KCND2: variants seen among roughly 807,000 people sequenced by gnomAD.
KCND2 encodes the protein potassium voltage-gated channel subfamily D member 2.
Under a neutral mutation model 54.4 loss-of-function variants are expected in KCND2, and 16 were observed. The ratio of observed to expected loss-of-function variants is 0.29; its 90% confidence interval spans 0.20 to 0.45. The LOEUF (loss-of-function observed/expected upper bound fraction) is 0.45. Ranked by LOEUF, KCND2 falls within the 20% of genes least tolerant of loss-of-function variation. The probability of loss-of-function intolerance (pLI) is 1.00; values close to 1 mark genes in which losing one functional copy is unlikely to be tolerated. For missense variants in KCND2, 486 were observed against 824.2 expected, an observed-to-expected ratio of 0.59 and a Z score of 5.02; for synonymous variants, 317 against 310.7, an observed-to-expected ratio of 1.02 and a Z score of -0.21.
intron 1 of KCND2, among the ~76,000 whole-genome samples, chr7:120,570,882 A>G (rs75543257): frequency 0.014 from 2,168 of 152,340 alleles, 56 homozygotes; most frequent in African/African-American, 0.05. Flanking sequence ...CCAAAGCGGT[A>G]TAAACAGTTG....
intron 1 of KCND2, among the ~76,000 whole-genome samples, chr7:120,586,089 G>C (rs958939713): frequency 6.6e-6 from 1 of 151,880 alleles, no homozygotes; most frequent in East Asian, 1.9e-4. Context: ...TTCTATATAG[G>C]AACTATGTGG....
intron 1 of KCND2, among the ~76,000 whole-genome samples, chr7:120,282,742 T>G (rs1380637067): frequency 6.6e-6 from 1 of 152,148 alleles, no homozygotes; most frequent in Non-Finnish European, 1.5e-5. Flanking sequence ...TCTTCACTTT[T>G]AACAATATCA....
chr7:120,719,178 T>A (rs1031942351), intron 1 of KCND2, among the ~76,000 whole-genome samples: 3 of 152,206 alleles, frequency 2.0e-5, no homozygotes, highest in Non-Finnish European at 4.4e-5. Context: ...CTTTTATATG[T>A]GGAAGTTCAC....
At chr7:120,297,887 A>G (rs142799386) in intron 1 of KCND2, among the ~76,000 whole-genome samples, 3 of 152,126 alleles carry the variant, frequency 2.0e-5, no homozygotes, top group East Asian at 1.9e-4. Flanking sequence ...AACTGTGTTA[A>G]TGCCTGAAAA....
chr7:120,478,768 CA>C (rs1384225761), intron 1 of KCND2, among the ~76,000 whole-genome samples: 1 of 152,082 alleles, frequency 6.6e-6, no homozygotes, highest in Non-Finnish European at 1.5e-5. Context: ...TGTTTTCTAT[CA>C]GACTAGAGGG....
At chr7:120,447,611 A>C (rs1179687847) in intron 1 of KCND2, among the ~76,000 whole-genome samples, 1 of 152,044 alleles carries the variant, frequency 6.6e-6, no homozygotes, top group Non-Finnish European at 1.5e-5. Flanking sequence ...TTTGTTGCTT[A>C]TTGCTATTTT....
At chr7:120,696,204 A>G (rs1387190032) in intron 1 of KCND2, among the ~76,000 whole-genome samples, 2 of 152,216 alleles carry the variant, frequency 1.3e-5, no homozygotes, top group East Asian at 3.9e-4. Flanking sequence ...ATTGCAGACA[A>G]ACATACTTGG....
chr7:120,448,824 C>T (rs1802057908), intron 1 of KCND2, among the ~76,000 whole-genome samples: 1 of 152,088 alleles, frequency 6.6e-6, no homozygotes, highest in Non-Finnish European at 1.5e-5. Context: ...AGACAAAAAC[C>T]TTGATTTTTA....
At chr7:120,385,692 G>C (rs1800977743) in intron 1 of KCND2, among the ~76,000 whole-genome samples, 1 of 152,122 alleles carries the variant, frequency 6.6e-6, no homozygotes, top group Non-Finnish European at 1.5e-5. Flanking sequence ...ACTCATTAAT[G>C]CTTTATAAAT....
intron 1 of KCND2, among the ~76,000 whole-genome samples, chr7:120,378,069 G>C (rs1800861013): frequency 6.6e-6 from 1 of 151,842 alleles, no homozygotes; most frequent in African/African-American, 2.4e-5. Context: ...ATGAATGAAT[G>C]AACACAGGAA....
chr7:120,275,333 C>T lies in KCND2; in HGVS notation c.701C>T (p.Thr234Met). 2 of 1,613,786 alleles carry T rather than the reference C, an allele frequency of 1.2e-6. No individual in the cohort carries two copies. Among genetic ancestry groups the T allele is most frequent in the Non-Finnish European group, 8.5e-7 (1 of 1,179,960 alleles). ...GCTGTGGCCTTCTTCTGCTTGGACA[C>T]GGCCTGCGTCATGATCTTCACAGTT... The part of the protein sequence containing the change: ...RYAVAFFCLD[T>M]ACVMIFTVEY... Residue 234 changes from threonine to methionine, a missense_variant, in exon 1 of 6, where the codon ACG (threonine) becomes ATG (methionine). This residue lies in a region of KCND2 where 231 missense variants were observed against 386.0 expected (regional missense o/e 0.60). Transcript: ENST00000331113.
intron 1 of KCND2, among the ~76,000 whole-genome samples, chr7:120,344,309 C>A (rs2116371112): frequency 6.6e-6 from 1 of 152,144 alleles, no homozygotes; most frequent in East Asian, 1.9e-4. Context: ...CAAGATAACA[C>A]ATAAAAGAAC....
intron 1 of KCND2, among the ~76,000 whole-genome samples, chr7:120,393,924 A>T (rs1344832277): frequency 6.6e-6 from 1 of 152,052 alleles, no homozygotes; most frequent in East Asian, 1.9e-4. Context: ...TTCACAAAAC[A>T]TATCATAAGA....
chr7:120,316,980 C>T (rs997110126), intron 1 of KCND2, among the ~76,000 whole-genome samples: 9 of 152,010 alleles, frequency 5.9e-5, no homozygotes, highest in African/African-American at 1.4e-4. Flanking sequence ...GGACTATAGG[C>T]GCATTCAACG....
chr7:120,739,915 C>T (rs1414292576), intron 2 of KCND2, among the ~76,000 whole-genome samples: 1 of 151,794 alleles, frequency 6.6e-6, no homozygotes, highest in Non-Finnish European at 1.5e-5. Context: ...AAGCAGGCAG[C>T]CTTGCTTATA....
At chr7:120,302,653 A>T (rs1361198686) in intron 1 of KCND2, among the ~76,000 whole-genome samples, 1 of 152,240 alleles carries the variant, frequency 6.6e-6, no homozygotes, top group Non-Finnish European at 1.5e-5. Flanking sequence ...GTTGGAATTT[A>T]AAAGAGTGAT....
intron 1 of KCND2, among the ~76,000 whole-genome samples, chr7:120,591,463 A>G (rs759893548): frequency 6.6e-6 from 1 of 152,196 alleles, no homozygotes; most frequent in Non-Finnish European, 1.5e-5. Context: ...TAACACCACT[A>G]CACCTATTCA....
chr7:120,387,042 T>C (rs771450516), intron 1 of KCND2, among the ~76,000 whole-genome samples: 1 of 152,118 alleles, frequency 6.6e-6, no homozygotes, highest in Non-Finnish European at 1.5e-5. Context: ...CTGTCTAACA[T>C]ACTATGTAGC....
chr7:120,409,652 A>T lies in KCND2; in HGVS notation c.1115+133905A>T, dbSNP rs1211123636. 6.6e-5 allele frequency among the ~76,000 whole-genome samples: 10 copies of T among 151,968 alleles called. No individual in the cohort carries two copies. In the East Asian group the frequency reaches 1.7e-3, roughly 26 times the overall value. Reference sequence around the variant, plus strand: ...GTTTCTCTTATGATTAAAAAATGTAAGCATCTTTTCATGTTTTTTGGCCAT... The same window carrying T: ...GTTTCTCTTATGATTAAAAAATGTATGCATCTTTTCATGTTTTTTGGCCAT... On this transcript the variant is annotated intron_variant, in intron 1 of 5. Coordinates refer to ENST00000331113, the MANE Select transcript of KCND2 (RefSeq NM_012281.3).
Sources: gnomAD v4.1 joint callset for allele counts (sites outside exome capture counted in the v4.1 genomes callset) on GRCh38, gnomAD v4.1.1 for gene constraint, gnomAD v4.1.1 regional missense constraint, MANE v1.5 for transcripts, NCBI Gene and HGNC (gene_info 2026-07-23, HGNC 2026-07-21) for gene names.